Variants in LEPR observed in about 807,000 individuals in gnomAD.
LEPR encodes leptin receptor, also known as OB receptor.
A neutral mutation model predicts 114.7 loss-of-function variants in LEPR; 56 were observed. That is an observed-to-expected ratio of 0.49 (90% CI 0.39 to 0.61). LEPR has a LOEUF of 0.61. Among genes scored for constraint, LEPR ranks in the 20% least tolerant of loss-of-function variants. The pLI, the probability that LEPR is intolerant of heterozygous loss-of-function variation, is 0.00. For synonymous variants in LEPR, 443 were observed against 461.4 expected (o/e 0.96, Z 0.51); for missense variants, 1,202 against 1,352.9 (o/e 0.89, Z 1.75).
At position 65,528,632 on chromosome 1, in the gene LEPR, A is replaced by T. The variant is rs114691777; in HGVS notation, c.-20-36914A>T. 4.3e-3 allele frequency among the ~76,000 whole-genome samples: 648 copies of T among 152,186 alleles called. 5 individuals are homozygous for T. Among genetic ancestry groups the T allele is most frequent in the African/African-American group, 0.015 (614 of 41,552 alleles). On this transcript the variant is annotated intron_variant, in intron 2 of 19. Coordinates refer to ENST00000349533, the MANE Select transcript of LEPR (RefSeq NM_002303.6). ...CTGTAATGAATATAGAGAGAAGCAT[A>T]TAAAACAAATTTAATGGTTGACAGA...
At chr1:65,437,447 A>G (rs1328342042) in intron 2 of LEPR, among the ~76,000 whole-genome samples, 1 of 152,054 alleles carries the variant, frequency 6.6e-6, no homozygotes, top group Non-Finnish European at 1.5e-5. Flanking sequence ...ATAAAAAGGA[A>G]TGAAGTACTG....
intron 2 of LEPR, among the ~76,000 whole-genome samples, chr1:65,474,655 T>G (rs1287002962): frequency 6.6e-6 from 1 of 152,074 alleles, no homozygotes; most frequent in Non-Finnish European, 1.5e-5. Flanking sequence ...CATTTCCCAG[T>G]CCACAGCCAA....
chr1:65,598,064 G>T (rs1036599412), intron 7 of LEPR, among the ~76,000 whole-genome samples: 1 of 138,656 alleles, frequency 7.2e-6, no homozygotes, highest in East Asian at 2.1e-4. Flanking sequence ...GCTGAATTTT[G>T]ATCTCCTAGG....
At chr1:65,585,776 A>C (rs930026285) in intron 5 of LEPR, among the ~76,000 whole-genome samples, 3 of 151,948 alleles carry the variant, frequency 2.0e-5, no homozygotes, top group Admixed American at 2.0e-4. Context: ...TTACTTTTAA[A>C]ATTTGATGAT....
chr1:65,424,174 T>C (rs1273807127), intron 1 of LEPR, among the ~76,000 whole-genome samples: 1 of 152,180 alleles, frequency 6.6e-6, no homozygotes, highest in East Asian at 1.9e-4. Flanking sequence ...GGCAAATACG[T>C]TCCTACTCCC....
intron 2 of LEPR, among the ~76,000 whole-genome samples, chr1:65,507,459 G>GTGTGTGTGTGTA (rs375120311): frequency 2.4e-4 from 33 of 139,556 alleles, no homozygotes; most frequent in Non-Finnish European, 3.7e-4. Context: ...GTGTGTGTGT[G>GTGTGTGTGTGTA]TATATATATA....
chr1:65,622,782 A>C, intron 18 of LEPR, 124 bp from the exon 19 acceptor site: 1 of 932,568 alleles, frequency 1.1e-6, no homozygotes, highest in Non-Finnish European at 1.7e-6. Flanking sequence ...GTGAAAATGC[A>C]TCTGACCCTA....
intron 5 of LEPR, among the ~76,000 whole-genome samples, chr1:65,584,313 C>T (rs889590180): frequency 5.3e-5 from 8 of 151,930 alleles, no homozygotes; most frequent in East Asian, 3.9e-4. Context: ...GATAGTTGTT[C>T]GTTGTTATTG....
intron 2 of LEPR, chr1:65,434,389 T>G (rs1646529792): frequency 2.0e-6 from 2 of 985,298 alleles, no homozygotes; most frequent in African/African-American, 3.5e-5. Context: ...AAACTGAGAT[T>G]GCACTTCCAA....
chr1:65,636,226 A>G lies in LEPR; in HGVS notation c.2709A>G (p.Thr903=), dbSNP rs1195941739. 6.2e-7 allele frequency: 1 copy of G among 1,613,972 alleles called. No homozygotes were observed. Among genetic ancestry groups the G allele is most frequent in the Non-Finnish European group, 8.5e-7 (1 of 1,179,878 alleles). The change falls in exon 20 of 20, where the codon ACA becomes ACG. Residue 903 remains threonine (T), a synonymous_variant. Transcript: ENST00000349533. ...TTGAGCATCTTTTTATCAAGCATACAGCATCAGTGACATGTGGTCCTCTTC... is the reference window on the plus strand; with the variant it reads ...TTGAGCATCTTTTTATCAAGCATACGGCATCAGTGACATGTGGTCCTCTTC... ...ETFEHLFIKH[T]ASVTCGPLLL...
intron 2 of LEPR, among the ~76,000 whole-genome samples, chr1:65,519,945 C>T (rs1297274537): frequency 6.6e-6 from 1 of 152,062 alleles, no homozygotes; most frequent in East Asian, 1.9e-4. Flanking sequence ...CTCACTGCAA[C>T]CTCCACCTCC....
At chr1:65,508,774 G>T (rs1480278942) in intron 2 of LEPR, among the ~76,000 whole-genome samples, 1 of 152,066 alleles carries the variant, frequency 6.6e-6, no homozygotes, top group Non-Finnish European at 1.5e-5. Flanking sequence ...AGATTGCTTT[G>T]AGTAATATGG....
chr1:65,597,212 C>A (rs766377294), intron 7 of LEPR, among the ~76,000 whole-genome samples: 5 of 152,088 alleles, frequency 3.3e-5, no homozygotes, highest in Non-Finnish European at 1.5e-5. Context: ...GCTATAAATT[C>A]CCTGTTGTCC....
chr1:65,453,301 T>A (rs1192031488), intron 2 of LEPR, among the ~76,000 whole-genome samples: 1 of 152,178 alleles, frequency 6.6e-6, no homozygotes, highest in Non-Finnish European at 1.5e-5. Context: ...CTGATTTTAG[T>A]TATTTCTTGC....
chr1:65,632,867 C>G (rs1658579688), intron 19 of LEPR, among the ~76,000 whole-genome samples: 1 of 151,564 alleles, frequency 6.6e-6, no homozygotes, highest in Non-Finnish European at 1.5e-5. Flanking sequence ...GCTCGTTGTT[C>G]TTCTCTCCTT....
intron 19 of LEPR, among the ~76,000 whole-genome samples, chr1:65,631,393 G>A (rs561071355): frequency 2.2e-4 from 34 of 152,058 alleles, no homozygotes; most frequent in Non-Finnish European, 4.9e-4. Context: ...TATACGGCAG[G>A]GCTAATTTTC....
At chr1:65,547,406 G>T (rs1478702124) in intron 2 of LEPR, among the ~76,000 whole-genome samples, 1 of 151,928 alleles carries the variant, frequency 6.6e-6, no homozygotes, top group South Asian at 2.1e-4. Flanking sequence ...TTGTACCTCT[G>T]GTAGAATTCG....
At chr1:65,522,179 G>A (rs189825516) in intron 2 of LEPR, among the ~76,000 whole-genome samples, 46 of 152,216 alleles carry the variant, frequency 3.0e-4, no homozygotes, top group Middle Eastern at 6.8e-3. Context: ...GCTTTTCTGA[G>A]TGTCTATTGT....
intron 19 of LEPR, chr1:65,626,195 C>T (rs775472727): frequency 6.2e-7 from 1 of 1,604,602 alleles, no homozygotes; most frequent in Admixed American, 1.7e-5. Flanking sequence ...CTACGTCCTA[C>T]CTCGCTGCCG....
Sources: gnomAD v4.1 joint callset for allele counts (sites outside exome capture counted in the v4.1 genomes callset) on GRCh38, gnomAD v4.1.1 for gene constraint, MANE v1.5 for transcripts, NCBI Gene and HGNC (gene_info 2026-07-23, HGNC 2026-07-21) for gene names.